Variants in PDE4D observed in about 807,000 individuals in gnomAD.
The protein encoded by PDE4D is phosphodiesterase 4D, also known as 3',5'-cyclic-AMP phosphodiesterase 4D.
Under a neutral mutation model 87.4 loss-of-function variants are expected in PDE4D, and 24 were observed. That is an observed-to-expected ratio of 0.27 (90% CI 0.20 to 0.39). The LOEUF is 0.39. Ranked by LOEUF, PDE4D falls within the 10% of genes least tolerant of loss-of-function variation. The probability of loss-of-function intolerance (pLI) is 1.00; values close to 1 mark genes in which losing one functional copy is unlikely to be tolerated. For missense variants in PDE4D, 714 were observed against 1,041.0 expected (o/e 0.69, Z 4.32); for synonymous variants, 384 against 383.2 (o/e 1.00, Z -0.02).
At chr5:59,106,399 T>C (rs1372703796) in intron 5 of PDE4D, among the ~76,000 whole-genome samples, 1 of 152,218 alleles carries the variant, frequency 6.6e-6, no homozygotes, top group Non-Finnish European at 1.5e-5. Context: ...TTCTGTAAAA[T>C]ATAAACTGGT....
At chr5:59,116,171 G>C (rs1773578296) in intron 5 of PDE4D, among the ~76,000 whole-genome samples, 1 of 152,016 alleles carries the variant, frequency 6.6e-6, no homozygotes, top group Non-Finnish European at 1.5e-5. Context: ...ATATAGTACT[G>C]AACCACATTA....
intron 2 of PDE4D, among the ~76,000 whole-genome samples, chr5:60,067,115 A>G (rs573465108): frequency 7.9e-5 from 12 of 152,256 alleles, no homozygotes; most frequent in South Asian, 2.1e-4. Flanking sequence ...ATTCATTCAT[A>G]TATGTCTACA....
chr5:59,322,031 A>G (rs910558740), intron 1 of PDE4D, among the ~76,000 whole-genome samples: 1 of 152,124 alleles, frequency 6.6e-6, no homozygotes, highest in African/African-American at 2.4e-5. Context: ...GGATAACATA[A>G]TCTGAGGATG....
At chr5:59,916,330 A>G (rs1754038718) in intron 3 of PDE4D, among the ~76,000 whole-genome samples, 1 of 152,238 alleles carries the variant, frequency 6.6e-6, no homozygotes, top group African/African-American at 2.4e-5. Context: ...ACCGTATTAC[A>G]AGAATGAGCT....
chr5:59,134,213 T>C (rs546734060), intron 5 of PDE4D, among the ~76,000 whole-genome samples: 2 of 147,442 alleles, frequency 1.4e-5, no homozygotes, highest in East Asian at 2.0e-4. Context: ...ATGAGGCAAC[T>C]AGATACAGTA....
At chr5:60,307,607 G>A (rs1370151597) in intron 1 of PDE4D, among the ~76,000 whole-genome samples, 1 of 152,064 alleles carries the variant, frequency 6.6e-6, no homozygotes, top group Non-Finnish European at 1.5e-5. Flanking sequence ...CAATGGAACT[G>A]TGAAATTGCC....
chr5:59,990,740 TCTTCTTG>T, intron 2 of PDE4D, among the ~76,000 whole-genome samples: 1 of 152,326 alleles, frequency 6.6e-6, no homozygotes, highest in East Asian at 1.9e-4. Flanking sequence ...ATGAGTTACT[TCTTCTTG>T]CTTTTCCAAT....
intron 2 of PDE4D, among the ~76,000 whole-genome samples, chr5:60,079,329 G>A (rs1773670567): frequency 6.6e-6 from 1 of 150,916 alleles, no homozygotes; most frequent in African/African-American, 2.4e-5. Context: ...CCATTCTGTA[G>A]GTTCACTCTG....
At chr5:60,072,498 C>T (rs992283673) in intron 2 of PDE4D, among the ~76,000 whole-genome samples, 1 of 152,086 alleles carries the variant, frequency 6.6e-6, no homozygotes, top group African/African-American at 2.4e-5. Context: ...TGTGAGGAAG[C>T]TCTGTATTTA....
chr5:59,810,626 C>T (rs1342678295), intron 1 of PDE4D, among the ~76,000 whole-genome samples: 1 of 152,204 alleles, frequency 6.6e-6, no homozygotes, highest in Non-Finnish European at 1.5e-5. Flanking sequence ...TGGGATCCAC[C>T]ATCTCTCCCT....
chr5:59,592,147 A>C (rs776325106), intron 1 of PDE4D: 8 of 984,550 alleles, frequency 8.1e-6, no homozygotes, highest in Non-Finnish European at 9.6e-6. Flanking sequence ...CAGAAAGCCA[A>C]TCCCCCAGGA....
intron 1 of PDE4D, among the ~76,000 whole-genome samples, chr5:59,662,509 T>C (rs1453512655): frequency 1.3e-5 from 2 of 152,228 alleles, no homozygotes; most frequent in East Asian, 1.9e-4. Context: ...TTATTACTCA[T>C]AAAGTTTACT....
intron 5 of PDE4D, among the ~76,000 whole-genome samples, chr5:59,058,179 C>A (rs952291043): frequency 1.3e-5 from 2 of 152,136 alleles, no homozygotes; most frequent in African/African-American, 4.8e-5. Context: ...GTTAAGGCTT[C>A]TTTTCTATAA....
chr5:59,185,348 T>C (rs1742659792), intron 3 of PDE4D, 86 bp from the exon 4 acceptor site: 6 of 920,374 alleles, frequency 6.5e-6, no homozygotes, highest in Middle Eastern at 2.3e-4. Context: ...GAAAACTTGA[T>C]ATTGCTTGCA....
At chr5:60,504,117 C>T (rs1325406048) in intron 1 of PDE4D, among the ~76,000 whole-genome samples, 1 of 152,168 alleles carries the variant, frequency 6.6e-6, no homozygotes, top group African/African-American at 2.4e-5. Flanking sequence ...TCCTATCCGA[C>T]CCATCAATGT....
chr5:59,989,718 T>C (rs796805837), intron 2 of PDE4D, among the ~76,000 whole-genome samples: 20 of 152,300 alleles, frequency 1.3e-4, no homozygotes, highest in African/African-American at 2.4e-4. Flanking sequence ...GAGAAAAATA[T>C]ACTATCACAT....
At chr5:59,630,699 G>T (rs576899020) in intron 1 of PDE4D, among the ~76,000 whole-genome samples, 1 of 152,242 alleles carries the variant, frequency 6.6e-6, no homozygotes, top group Non-Finnish European at 1.5e-5. Context: ...GAGTGACAAG[G>T]TCACAACTTC....
At chr5:59,275,281 G>C (rs1310399980) in intron 1 of PDE4D, 3 of 1,324,614 alleles carry the variant, frequency 2.3e-6, no homozygotes, top group African/African-American at 2.9e-5. Flanking sequence ...AAATACTCAA[G>C]GAGTACGTCA....
intron 1 of PDE4D, among the ~76,000 whole-genome samples, chr5:60,359,490 G>A (rs1031944883): frequency 3.9e-5 from 6 of 152,226 alleles, no homozygotes; most frequent in Non-Finnish European, 5.9e-5. Context: ...AGTTTCAAAG[G>A]TGGGTCTTAT....
Sources: allele counts gnomAD v4.1 joint callset (sites outside exome capture counted in the v4.1 genomes callset), GRCh38; gene constraint gnomAD v4.1.1; transcripts MANE v1.5; gene names NCBI Gene and HGNC (gene_info 2026-07-23, HGNC 2026-07-21).